Variants in TTC29 observed in about 807,000 individuals in gnomAD.
TTC29 encodes tetratricopeptide repeat protein 29.
TTC29 carries 49 observed loss-of-function variants against 58.1 expected under a neutral mutation model. The observed-to-expected ratio is 0.84, with a 90% CI of 0.67 to 1.07. The LOEUF is 1.07. Ranked by LOEUF, TTC29 falls within the 50% of genes least tolerant of loss-of-function variation. The pLI is 0.00. For missense variants in TTC29, 582 were observed against 555.6 expected (o/e 1.05, Z -0.48); for synonymous variants, 209 against 196.8 (o/e 1.06, Z -0.52).
At chr4:146,858,582 T>C (rs1358797662) in intron 8 of TTC29, among the ~76,000 whole-genome samples, 6 of 152,192 alleles carry the variant, frequency 3.9e-5, no homozygotes, top group African/African-American at 1.4e-4. Context: ...AAGCCCGACA[T>C]TGTGATTTCA....
At chr4:146,831,266 T>C (rs1386970161) in intron 9 of TTC29, among the ~76,000 whole-genome samples, 1 of 152,142 alleles carries the variant, frequency 6.6e-6, no homozygotes, top group Non-Finnish European at 1.5e-5. Flanking sequence ...ATTCTTTTTT[T>C]AATTAATTAA....
At chr4:146,814,657 C>T (rs565656729) in intron 10 of TTC29, among the ~76,000 whole-genome samples, 119 of 131,192 alleles carry the variant, frequency 9.1e-4, no homozygotes, top group African/African-American at 3.3e-3. Context: ...ACCCGGGAGG[C>T]GGAGGTTGCA....
chr4:146,854,301 C>T (rs1027404747), intron 8 of TTC29, among the ~76,000 whole-genome samples: 3 of 152,100 alleles, frequency 2.0e-5, no homozygotes, highest in African/African-American at 7.2e-5. Context: ...CCTATTGCTG[C>T]CCATGCTTTT....
chr4:146,797,041 G>T (rs771797586), intron 11 of TTC29, among the ~76,000 whole-genome samples: 36 of 152,056 alleles, frequency 2.4e-4, no homozygotes, highest in Admixed American at 8.5e-4. Context: ...CCTTTTAGAG[G>T]AACCCAACAA....
At chr4:146,727,096 T>C (rs1182925659) in intron 11 of TTC29, among the ~76,000 whole-genome samples, 1 of 151,006 alleles carries the variant, frequency 6.6e-6, no homozygotes, top group African/African-American at 2.4e-5. Context: ...AAATATATAA[T>C]ATAAATTTGT....
chr4:146,889,916 T>A (rs1344963064), intron 6 of TTC29, among the ~76,000 whole-genome samples: 3 of 152,182 alleles, frequency 2.0e-5, no homozygotes, highest in Non-Finnish European at 4.4e-5. Flanking sequence ...TAGTATTCAA[T>A]TGATCACCAT....
intron 11 of TTC29, among the ~76,000 whole-genome samples, chr4:146,744,438 T>C (rs1231014023): frequency 6.6e-6 from 1 of 152,030 alleles, no homozygotes; most frequent in Non-Finnish European, 1.5e-5. Flanking sequence ...AAGAAAGATA[T>C]AGAATGAATA....
intron 6 of TTC29, among the ~76,000 whole-genome samples, chr4:146,899,663 C>T (rs927046521): frequency 5.3e-5 from 8 of 152,116 alleles, no homozygotes; most frequent in African/African-American, 1.7e-4. Context: ...GGGAGCTCTG[C>T]GTGGGGCTCT....
At chr4:146,760,750 A>ATG (rs1374951969) in intron 11 of TTC29, among the ~76,000 whole-genome samples, 57 of 114,994 alleles carry the variant, frequency 5.0e-4, no homozygotes, top group Non-Finnish European at 5.4e-4. Context: ...ATACATATAT[A>ATG]TGTGTATATA....
intron 8 of TTC29, among the ~76,000 whole-genome samples, chr4:146,850,977 T>C (rs756066321): frequency 3.9e-5 from 6 of 152,212 alleles, no homozygotes; most frequent in Non-Finnish European, 7.3e-5. Context: ...CTTTTTACTA[T>C]TCCATTGGAA....
intron 11 of TTC29, among the ~76,000 whole-genome samples, chr4:146,724,715 C>T (rs540823603): frequency 1.8e-4 from 28 of 152,010 alleles, no homozygotes; most frequent in Non-Finnish European, 2.7e-4. Flanking sequence ...GGTTTCACCA[C>T]GTTCGCCAGG....
chr4:146,934,638 C>T (rs1735630695), intron 4 of TTC29, among the ~76,000 whole-genome samples: 1 of 151,860 alleles, frequency 6.6e-6, no homozygotes, highest in South Asian at 2.1e-4. Flanking sequence ...CACCTAGGAC[C>T]CAGCCTTTGG....
At chr4:146,771,660 T>TTTGA (rs1421473244) in intron 11 of TTC29, among the ~76,000 whole-genome samples, 9 of 152,150 alleles carry the variant, frequency 5.9e-5, no homozygotes, top group African/African-American at 2.2e-4. Flanking sequence ...TAGTCTACCA[T>TTTGA]TTGATAGGCA....
intron 9 of TTC29, among the ~76,000 whole-genome samples, chr4:146,829,789 A>C (rs1435632803): frequency 6.6e-6 from 1 of 152,206 alleles, no homozygotes; most frequent in African/African-American, 2.4e-5. Flanking sequence ...AGTTTGCAAG[A>C]AAATTTACAA....
intron 7 of TTC29, among the ~76,000 whole-genome samples, chr4:146,868,939 T>C (rs1342670420): frequency 6.6e-6 from 1 of 151,960 alleles, no homozygotes; most frequent in Non-Finnish European, 1.5e-5. Flanking sequence ...ACATGAGAGC[T>C]GATTGCTTTA....
rs76088743 is a variant in TTC29 at position 146,776,890 on chromosome 4, G to C, written c.1330+26567C>G. Among the ~76,000 whole-genome samples the C allele has an allele frequency of 3.2e-3, 481 of 152,360 alleles. 9 individuals carry two copies. The East Asian group carries it at 0.051, about 16-fold the overall frequency. The stretch of plus-strand genomic sequence containing the variant: ...GCTCACATTTGTGCTAGCAGCAGTG[G>C]GAGTGGGGTGCTGGATGGTGTGGGG... On this transcript the variant is annotated intron_variant, in intron 11 of 12. Transcript: ENST00000325106.
chr4:146,801,747 T>C (rs2150116524), intron 11 of TTC29, among the ~76,000 whole-genome samples: 1 of 151,852 alleles, frequency 6.6e-6, no homozygotes, highest in Non-Finnish European at 1.5e-5. Context: ...GAGGCCAAGA[T>C]GGGTAGATCA....
At chr4:146,860,459 T>G (rs1417504639) in intron 8 of TTC29, among the ~76,000 whole-genome samples, 2 of 152,114 alleles carry the variant, frequency 1.3e-5, no homozygotes, top group Non-Finnish European at 2.9e-5. Flanking sequence ...CCTCCTTATA[T>G]GTGGGGAATA....
chr4:146,913,540 T>A (rs186143975), intron 4 of TTC29, among the ~76,000 whole-genome samples: 4 of 152,122 alleles, frequency 2.6e-5, no homozygotes, highest in African/African-American at 9.6e-5. Context: ...TTGACCCAAA[T>A]TAGGCCAACT....
Sources: gnomAD v4.1 joint callset for allele counts (sites outside exome capture counted in the v4.1 genomes callset) on GRCh38, gnomAD v4.1.1 for gene constraint, MANE v1.5 for transcripts, NCBI Gene and HGNC (gene_info 2026-07-23, HGNC 2026-07-21) for gene names.